Variants in CECR2 observed in about 807,000 individuals in gnomAD.
The protein encoded by CECR2 is CECR2 histone acetyl-lysine reader.
A neutral mutation model predicts 154.5 loss-of-function variants in CECR2; 30 were observed. That is an observed-to-expected ratio of 0.19 (90% CI 0.15 to 0.26). CECR2 has a LOEUF of 0.26. CECR2 is among the 10% of genes least tolerant of loss of function. CECR2 has a pLI of 1.00. For synonymous variants in CECR2, 725 were observed against 683.7 expected, an observed-to-expected ratio of 1.06 and a Z score of -0.94; for missense variants, 1,743 against 1,829.3, an observed-to-expected ratio of 0.95 and a Z score of 0.86.
At chr22:17,449,780 C>T (rs1448912275) in intron 1 of CECR2, among the ~76,000 whole-genome samples, 3 of 152,164 alleles carry the variant, frequency 2.0e-5, no homozygotes, top group Admixed American at 6.5e-5. Flanking sequence ...TGAGCCACCA[C>T]GCCCAGCCCA....
At chr22:17,486,746 G>A (rs1255989542) in intron 2 of CECR2, among the ~76,000 whole-genome samples, 1 of 152,256 alleles carries the variant, frequency 6.6e-6, no homozygotes, top group Non-Finnish European at 1.5e-5. Flanking sequence ...AACTTACGAA[G>A]AAGATCAAGT....
chr22:17,501,925 A>G (rs780417043), intron 5 of CECR2, among the ~76,000 whole-genome samples: 1 of 151,746 alleles, frequency 6.6e-6, no homozygotes, highest in Admixed American at 6.5e-5. Flanking sequence ...CAGTATTTAA[A>G]TATTTTTTCA....
intron 16 of CECR2, among the ~76,000 whole-genome samples, chr22:17,543,469 A>G (rs888013473): frequency 1.3e-5 from 2 of 151,796 alleles, no homozygotes; most frequent in African/African-American, 4.8e-5. Context: ...ATTTGGGCCA[A>G]TCACAGTCCT....
intron 2 of CECR2, among the ~76,000 whole-genome samples, chr22:17,490,388 C>G (rs763301871): frequency 6.6e-6 from 1 of 152,018 alleles, no homozygotes; most frequent in Non-Finnish European, 1.5e-5. Context: ...CTTTCTCATG[C>G]TTACTGTGCC....
intron 2 of CECR2, among the ~76,000 whole-genome samples, chr22:17,485,812 G>T (rs1207707278): frequency 1.3e-5 from 2 of 152,136 alleles, no homozygotes; most frequent in African/African-American, 4.8e-5. Context: ...TGAAATTTTT[G>T]ATATAGTTAG....
At chr22:17,544,888 C>G (rs2056587674) in intron 16 of CECR2, among the ~76,000 whole-genome samples, 1 of 149,536 alleles carries the variant, frequency 6.7e-6, no homozygotes, top group Non-Finnish European at 1.5e-5. Flanking sequence ...GGAGGATCAC[C>G]TGAACCCAGG....
At chr22:17,368,530 G>A (rs982195352), upstream of CECR2, among the ~76,000 whole-genome samples, 3 of 151,986 alleles carry the variant, frequency 2.0e-5, no homozygotes, top group Non-Finnish European at 4.4e-5. Flanking sequence ...GTACTCCACC[G>A]CGCTACAGCA....
At chr22:17,474,587 A>G (rs970270844) in intron 1 of CECR2, among the ~76,000 whole-genome samples, 2 of 152,240 alleles carry the variant, frequency 1.3e-5, no homozygotes, top group Middle Eastern at 3.2e-3. Context: ...CTTGGAGGAT[A>G]GTATTCTAGC....
intron 1 of CECR2, among the ~76,000 whole-genome samples, chr22:17,438,564 G>A (rs780443944): frequency 3.9e-5 from 6 of 152,092 alleles, no homozygotes; most frequent in Non-Finnish European, 8.8e-5. Flanking sequence ...TGCAGCCCAG[G>A]ACGGCTTTGA....
At chr22:17,484,843 A>C (rs948652585) in intron 2 of CECR2, among the ~76,000 whole-genome samples, 1 of 152,190 alleles carries the variant, frequency 6.6e-6, no homozygotes, top group Non-Finnish European at 1.5e-5. Context: ...ATGCCACAGC[A>C]CTCCAGCCTC....
rs375378413 is a variant in CECR2, at chr22:17,410,659, G to A, written c.126+40750G>A. Reference sequence around the variant, plus strand: ...GATGGGGTTTCACTATGTTGGCCAGGCTGGTCTCGAACTCCTGACCTTGTG... The same window carrying A: ...GATGGGGTTTCACTATGTTGGCCAGACTGGTCTCGAACTCCTGACCTTGTG... On this transcript the variant is annotated intron_variant, in intron 1 of 18. Coordinates refer to ENST00000262608, the MANE Select transcript of CECR2 (RefSeq NM_001290047.2). 1.6e-4 allele frequency among the ~76,000 whole-genome samples: 25 copies of A among 152,104 alleles called. No individual in the cohort carries two copies. In the East Asian group the frequency reaches 3.5e-3, roughly 21 times the overall value.
chr22:17,508,025 T>C (rs4819595), intron 7 of CECR2, among the ~76,000 whole-genome samples: 135,679 of 152,204 alleles, frequency 0.89, 60,530 homozygotes, highest in East Asian at 1. Context: ...CGTTCTGATA[T>C]AGATATCTTT....
intron 8 of CECR2, among the ~76,000 whole-genome samples, chr22:17,521,534 AAAAAG>A (rs939837268): frequency 3.3e-5 from 5 of 152,058 alleles, no homozygotes; most frequent in East Asian, 1.9e-4. Context: ...CAAAAAAAAA[AAAAAG>A]AGAGAGAGAG....
In CECR2 at chr22:17,549,106, G is replaced by T; in HGVS notation, c.3819G>T (p.Gly1273=). The change falls in exon 17 of 19, where the codon GGG becomes GGT. Residue 1273 remains glycine, a synonymous_variant. Coordinates refer to ENST00000262608, the MANE Select transcript of CECR2 (RefSeq NM_001290047.2). ...TGGCTGCTAAAGTCCCAAATGACGG[G>T]CAGAATCCTGGTCCAGAGGAAGAGA... ...DAVAAKVPND[G]QNPGPEEEKL... The T allele has an allele frequency of 6.2e-7, 1 of 1,614,018 alleles. No individual in the cohort carries two copies. The highest frequency in any genetic ancestry group is 8.5e-7 in the Non-Finnish European group (1 of 1,179,892).
intron 1 of CECR2, among the ~76,000 whole-genome samples, chr22:17,458,608 A>G (rs1254619298): frequency 6.6e-6 from 1 of 152,074 alleles, no homozygotes; most frequent in Non-Finnish European, 1.5e-5. Flanking sequence ...CAGTGTTTAT[A>G]TAACCTATAA....
At chr22:17,465,056 G>T (rs981145698) in intron 1 of CECR2, among the ~76,000 whole-genome samples, 1 of 150,742 alleles carries the variant, frequency 6.6e-6, no homozygotes, top group Non-Finnish European at 1.5e-5. Flanking sequence ...GAGTGCAGTG[G>T]CGCGATCTCA....
chr22:17,387,605 C>T (rs1474637635), intron 1 of CECR2, among the ~76,000 whole-genome samples: 1 of 152,188 alleles, frequency 6.6e-6, no homozygotes, highest in African/African-American at 2.4e-5. Flanking sequence ...CCTAACACTT[C>T]CTCACTTTTG....
chr22:17,383,565 C>G (rs375830721), intron 1 of CECR2, among the ~76,000 whole-genome samples: 14 of 151,340 alleles, frequency 9.3e-5, no homozygotes, highest in African/African-American at 3.4e-4. Context: ...ATCTAGTGTT[C>G]AGACCAGGTT....
chr22:17,407,916 GCTTAT>G (rs1470859560), intron 1 of CECR2, among the ~76,000 whole-genome samples: 3 of 152,286 alleles, frequency 2.0e-5, no homozygotes, highest in Non-Finnish European at 4.4e-5. Context: ...TCTGAAGCCA[GCTTAT>G]CTTGAGTTTT....
Sources: allele counts gnomAD v4.1 joint callset (sites outside exome capture counted in the v4.1 genomes callset), GRCh38; gene constraint gnomAD v4.1.1; transcripts MANE v1.5; gene names NCBI Gene and HGNC (gene_info 2026-07-23, HGNC 2026-07-21).